The following TRAF3IP2 variants were observed in gnomAD, a reference collection of about 807,000 sequenced individuals.
TRAF3IP2 encodes E3 ubiquitin ligase TRAF3IP2.
TRAF3IP2 carries 35 observed loss-of-function variants against 57.9 expected under a neutral mutation model. That is an observed-to-expected ratio of 0.60 (90% CI 0.46 to 0.80). TRAF3IP2 has a LOEUF of 0.80. Ranked by LOEUF, TRAF3IP2 falls within the 30% of genes least tolerant of loss-of-function variation. The pLI, the probability that TRAF3IP2 is intolerant of heterozygous loss-of-function variation, is 0.00. For synonymous variants in TRAF3IP2, 251 were observed against 268.9 expected, an observed-to-expected ratio of 0.93 and a Z score of 0.65; for missense variants, 556 against 706.4, an observed-to-expected ratio of 0.79 and a Z score of 2.41.
At chr6:111,602,628 G>C (rs374901529) in intron 1 of TRAF3IP2, among the ~76,000 whole-genome samples, 8 of 152,222 alleles carry the variant, frequency 5.3e-5, no homozygotes, top group African/African-American at 1.9e-4. Flanking sequence ...GGAAGAGAAG[G>C]GAAAGAATGA....
At chr6:111,563,176 C>G in intron 7 of TRAF3IP2, 137 bp from the exon 8 acceptor site, 1 of 649,834 alleles carries the variant, frequency 1.5e-6, no homozygotes. Context: ...CATTTTAAGG[C>G]CTCCCCATTA....
chr6:111,579,574 ATACAAAAGTTAGC>A (rs1316446320), intron 3 of TRAF3IP2, among the ~76,000 whole-genome samples: 1 of 152,132 alleles, frequency 6.6e-6, no homozygotes, highest in African/African-American at 2.4e-5. Flanking sequence ...ACTACAAAAT[ATACAAAAGTTAGC>A]TGGGCATGGT....
At chr6:111,587,170 T>C (rs1393351921) in intron 2 of TRAF3IP2, 2 of 152,318 alleles carry the variant, frequency 1.3e-5, no homozygotes, top group East Asian at 3.9e-4. Flanking sequence ...TATGTGCTGT[T>C]TCCCTTTGTT....
intron 1 of TRAF3IP2, among the ~76,000 whole-genome samples, chr6:111,598,978 C>G (rs894408771): frequency 6.6e-6 from 1 of 152,000 alleles, no homozygotes; most frequent in Non-Finnish European, 1.5e-5. Flanking sequence ...GGACATACAA[C>G]TACCTTGCCC....
chr6:111,605,516 G>A (rs1182538700), intron 1 of TRAF3IP2, among the ~76,000 whole-genome samples: 1 of 152,208 alleles, frequency 6.6e-6, no homozygotes, highest in Non-Finnish European at 1.5e-5. Context: ...CCCCGTGTGC[G>A]AGCCTCCTCT....
At chr6:111,600,949 A>G (rs1796842501) in intron 1 of TRAF3IP2, 1 of 375,738 alleles carries the variant, frequency 2.7e-6, no homozygotes, top group Admixed American at 4.2e-5. Flanking sequence ...CTATTGTCAG[A>G]CTCATTTTAC....
At chr6:111,605,236 G>T (rs1796983811) in intron 1 of TRAF3IP2, among the ~76,000 whole-genome samples, 2 of 152,354 alleles carry the variant, frequency 1.3e-5, no homozygotes, top group South Asian at 2.1e-4. Context: ...GCTGGAGGGC[G>T]GCTGCGGAGA....
intron 1 of TRAF3IP2, among the ~76,000 whole-genome samples, chr6:111,592,757 G>GTT (rs142119405): frequency 4.6e-5 from 7 of 151,010 alleles, no homozygotes; most frequent in Non-Finnish European, 7.4e-5. Flanking sequence ...AAATAAAAGT[G>GTT]TTTTTTTTTA....
At chr6:111,587,702 A>T (rs929538584) in intron 2 of TRAF3IP2, among the ~76,000 whole-genome samples, 2 of 152,252 alleles carry the variant, frequency 1.3e-5, no homozygotes, top group East Asian at 1.9e-4. Context: ...TATAGTTTTT[A>T]AAAAATAAAC....
At chr6:111,601,162 G>T (rs1266312906) in intron 1 of TRAF3IP2, 2 of 773,724 alleles carry the variant, frequency 2.6e-6, no homozygotes, top group Non-Finnish European at 4.8e-6. Flanking sequence ...ACCCCTAGGA[G>T]ATTCTGTAAT....
At chr6:111,580,151 C>A in intron 3 of TRAF3IP2, 46 bp downstream of exon 3, 1 of 1,585,702 alleles carries the variant, frequency 6.3e-7, no homozygotes, top group Non-Finnish European at 8.6e-7. Context: ...TGGCATAATT[C>A]CTTTCCATGT....
chr6:111,560,084 G>T (rs1248936135), intron 8 of TRAF3IP2, among the ~76,000 whole-genome samples: 1 of 152,208 alleles, frequency 6.6e-6, no homozygotes, highest in African/African-American at 2.4e-5. Context: ...GTGGGGAGAG[G>T]CAGATAATAA....
chr6:111,575,810 T>C lies in TRAF3IP2; in HGVS notation c.1034A>G (p.His345Arg), dbSNP rs1356148635. Residue 345 changes from histidine (H) to arginine (R), a missense_variant, in exon 4 of 9, where the codon CAT becomes CGT. Physicochemically the swap from His to Arg is conservative, Grantham distance 29. Coordinates refer to ENST00000368761, the MANE Select transcript of TRAF3IP2 (RefSeq NM_147686.4). ...ACCAGCTCTATTAGGTGGCTGGTGA[T>C]GTGGCTGGTCCCTAGAAAGGAATAC... is the stretch of plus-strand genomic sequence containing the variant. ...PGLPRHQDQP[H>R]HQPPNRAGAP... The C allele has an allele frequency of 1.2e-6, 2 of 1,610,430 alleles. No homozygotes were observed.
chr6:111,572,984 C>T lies in TRAF3IP2; in HGVS notation c.1202-1G>A. 1 of 1,611,294 alleles carries T rather than the reference C, an allele frequency of 6.2e-7. No homozygotes were observed. Among genetic ancestry groups the T allele is most frequent in the Non-Finnish European group, 8.5e-7 (1 of 1,178,662 alleles). The stretch of plus-strand genomic sequence containing the variant: ...ATCGAATAAGTGATAAAGACTTTCC[C>T]TAAGAGAAAATTTTTACATTTATTA... On this transcript the variant is annotated splice_acceptor_variant, in intron 4 of 8. Coordinates refer to ENST00000368761, the MANE Select transcript of TRAF3IP2 (RefSeq NM_147686.4). LOFTEE classifies it high-confidence loss of function.
chr6:111,579,930 G>A (rs893322864), intron 3 of TRAF3IP2, among the ~76,000 whole-genome samples: 1 of 152,058 alleles, frequency 6.6e-6, no homozygotes, highest in Non-Finnish European at 1.5e-5. Context: ...AAAAGAAAGG[G>A]GTGTGACTTG....
chr6:111,591,745 G>A lies in TRAF3IP2; in HGVS notation c.342C>T (p.Ser114=), dbSNP rs771595267. 8.1e-6 allele frequency: 13 copies of A among 1,614,030 alleles called. No individual in the cohort carries two copies. In the East Asian group the frequency reaches 1.6e-4, roughly 19 times the overall value. ...CAACCACAGACTCAGACGCAGGCTC[G>A]CTGACTGCAGAGCACCCAGAAGGGA... The part of the protein sequence containing the change: ...KAFPSGCSAV[S]EPASESVVGA... The change falls in exon 2 of 9, where the codon AGC becomes AGT. Residue 114 remains serine (S), a synonymous_variant. Transcript: ENST00000368761. This position sits in a 1 kb window ranked among gnomAD's most constrained non-coding sequence, Gnocchi z 4.9.
intron 8 of TRAF3IP2, among the ~76,000 whole-genome samples, chr6:111,562,119 C>T (rs1008006187): frequency 8.5e-5 from 13 of 152,190 alleles, no homozygotes; most frequent in Non-Finnish European, 1.6e-4. Context: ...CACTGCCTTC[C>T]CTTTGCCAAG....
chr6:111,575,932 G>A, intron 3 of TRAF3IP2, 111 bp from the exon 4 acceptor site: 1 of 1,003,314 alleles, frequency 1.0e-6, no homozygotes, highest in Non-Finnish European at 1.5e-6. Context: ...TCTCTCCTCT[G>A]CCTCTATTTC....
At chr6:111,594,568 T>A (rs562535625) in intron 1 of TRAF3IP2, 4 of 441,236 alleles carry the variant, frequency 9.1e-6, no homozygotes, top group African/African-American at 2.0e-5. Flanking sequence ...AGGGCAGTCA[T>A]CTCACATAAA....
Sources: allele counts gnomAD v4.1 joint callset (sites outside exome capture counted in the v4.1 genomes callset), GRCh38; gene constraint gnomAD v4.1.1; non-coding constraint Gnocchi (gnomAD v3.1); transcripts MANE v1.5; gene names NCBI Gene and HGNC (gene_info 2026-07-23, HGNC 2026-07-21).